The following ZDHHC2 variants were observed in gnomAD, a reference collection of about 807,000 sequenced individuals.
ZDHHC2 encodes zDHHC palmitoyltransferase 2.
Under a neutral mutation model 55.6 loss-of-function variants are expected in ZDHHC2, and 51 were observed. That is an observed-to-expected ratio of 0.92 (90% CI 0.73 to 1.16). ZDHHC2 has a LOEUF of 1.16. ZDHHC2 is among the 50% of genes most tolerant of loss of function. ZDHHC2 has a pLI of 0.00. For synonymous variants in ZDHHC2, 199 were observed against 152.9 expected, an observed-to-expected ratio of 1.30 and a Z score of -2.22; for missense variants, 491 against 442.4, an observed-to-expected ratio of 1.11 and a Z score of -0.99.
chr8:17,222,562 A>C lies in ZDHHC2; in HGVS notation c.*2341A>C, dbSNP rs536919481. ...CAAGATTTAAGAAATTTTGCATTAA[A>C]AATAGTGTACCAATGCTTCATATAC... is the stretch of plus-strand genomic sequence containing the variant. On this transcript the variant is annotated 3_prime_UTR_variant, in exon 13 of 13. Coordinates refer to ENST00000262096, the MANE Select transcript of ZDHHC2 (RefSeq NM_016353.5). 5.3e-5 allele frequency: 8 copies of C among 151,868 alleles called. No homozygotes were observed. Among genetic ancestry groups the C allele is most frequent in the Non-Finnish European group, 1.2e-4 (8 of 67,786 alleles). 9.4% of individuals were successfully genotyped at this position (151,868 alleles called of 1,614,324 possible). A position where few individuals can be genotyped will look rare whatever the true frequency, so the allele number is the denominator to read the frequency against.
intron 3 of ZDHHC2, among the ~76,000 whole-genome samples, chr8:17,191,900 G>C (rs115462424): frequency 6.6e-6 from 1 of 152,140 alleles, no homozygotes; most frequent in African/African-American, 2.4e-5. Flanking sequence ...CATCGTAGTA[G>C]TACTAATTTA....
At position 17,208,058 on chromosome 8, in the gene ZDHHC2, T is replaced by C. The variant is rs780620687; in HGVS notation, c.696T>C (p.His232=). The C allele has an allele frequency of 2.5e-5, 39 of 1,586,776 alleles. 1 individual carries two copies. In the Admixed American group the frequency reaches 6.9e-4, roughly 28 times the overall value. ...GCTTGTCTTCTCTGTTTGGCTATCA[T>C]TGTTGGCTAGTCAGCAAAAATAAAT... ...SVSLSSLFGY[H]CWLVSKNKST... The change falls in exon 8 of 13, where the codon CAT becomes CAC. Residue 232 remains histidine, a synonymous_variant. Coordinates refer to ENST00000262096, the MANE Select transcript of ZDHHC2 (RefSeq NM_016353.5).
At chr8:17,180,740 C>T (rs1343068043) in intron 1 of ZDHHC2, among the ~76,000 whole-genome samples, 1 of 152,216 alleles carries the variant, frequency 6.6e-6, no homozygotes, top group Non-Finnish European at 1.5e-5. Context: ...CAGCAAGTGG[C>T]AGAGGCAGGA....
chr8:17,161,574 A>C (rs1214466178), intron 1 of ZDHHC2, among the ~76,000 whole-genome samples: 1 of 152,194 alleles, frequency 6.6e-6, no homozygotes, highest in African/African-American at 2.4e-5. Flanking sequence ...ATGATTACTT[A>C]TTGGCCAGCA....
chr8:17,170,032 G>A (rs546561428), intron 1 of ZDHHC2, among the ~76,000 whole-genome samples: 1 of 152,352 alleles, frequency 6.6e-6, no homozygotes, highest in Non-Finnish European at 1.5e-5. Flanking sequence ...GGTTGTGACT[G>A]AATACACATA....
chr8:17,189,199 A>G (rs1311533971), intron 3 of ZDHHC2, among the ~76,000 whole-genome samples: 1 of 148,838 alleles, frequency 6.7e-6, no homozygotes, highest in Non-Finnish European at 1.5e-5. Flanking sequence ...CTTTCAAAAG[A>G]CAAGGCAAAT....
intron 6 of ZDHHC2, among the ~76,000 whole-genome samples, chr8:17,199,491 T>TCTTCGTCTTCGTCTTCGTCTTCGTCTTCG (rs1806524908): frequency 2.7e-5 from 1 of 37,302 alleles, no homozygotes; most frequent in Non-Finnish European, 6.8e-5. Context: ...CTTCTTCTTC[T>TCTTCGTCTTCGTCTTCGTCTTCGTCTTCG]TCTTCTTCTT....
intron 1 of ZDHHC2, among the ~76,000 whole-genome samples, chr8:17,179,841 A>C (rs1391329050): frequency 6.6e-6 from 1 of 152,236 alleles, no homozygotes; most frequent in Non-Finnish European, 1.5e-5. Context: ...TGCAGTTCCC[A>C]CAATTAATCA....
At chr8:17,200,801 T>C (rs1268354921) in intron 6 of ZDHHC2, among the ~76,000 whole-genome samples, 1 of 152,186 alleles carries the variant, frequency 6.6e-6, no homozygotes, top group African/African-American at 2.4e-5. Context: ...ATGGCATGCC[T>C]ACACACCACC....
At chr8:17,217,350 T>C in intron 12 of ZDHHC2, 104 bp downstream of exon 12, 1 of 850,110 alleles carries the variant, frequency 1.2e-6, no homozygotes, top group Non-Finnish European at 1.8e-6. Context: ...GAGTGATTCA[T>C]ATAGAAGATC....
At chr8:17,174,962 A>C in intron 1 of ZDHHC2, among the ~76,000 whole-genome samples, 1 of 152,110 alleles carries the variant, frequency 6.6e-6, no homozygotes, top group African/African-American at 2.4e-5. Context: ...CCTGGGCTCA[A>C]GCGATCCAGC....
intron 10 of ZDHHC2, among the ~76,000 whole-genome samples, chr8:17,214,227 A>G (rs1205905645): frequency 6.6e-6 from 1 of 152,204 alleles, no homozygotes; most frequent in African/African-American, 2.4e-5. Context: ...ATGTTGATGT[A>G]TGGCATTTCC....
chr8:17,161,441 G>A (rs552308734), intron 1 of ZDHHC2, among the ~76,000 whole-genome samples: 76 of 152,300 alleles, frequency 5.0e-4, no homozygotes, highest in African/African-American at 1.8e-3. Context: ...AGTAATTGCA[G>A]TTTTTGCCAT....
chr8:17,213,454 A>G (rs771085889), intron 10 of ZDHHC2, among the ~76,000 whole-genome samples: 17 of 151,576 alleles, frequency 1.1e-4, no homozygotes, highest in Non-Finnish European at 2.2e-4. Context: ...GTATCACCAT[A>G]TTGGCCAGGC....
chr8:17,175,292 G>A (rs2150894078), intron 1 of ZDHHC2, among the ~76,000 whole-genome samples: 1 of 152,198 alleles, frequency 6.6e-6, no homozygotes, highest in Non-Finnish European at 1.5e-5. Context: ...TAGGGCAAAA[G>A]TTTAAAAATT....
intron 1 of ZDHHC2, among the ~76,000 whole-genome samples, chr8:17,160,895 G>T (rs550229042): frequency 4.1e-4 from 63 of 152,314 alleles, no homozygotes; most frequent in African/African-American, 1.4e-3. Context: ...CTTGGCCCTT[G>T]GGCAAAAGTT....
chr8:17,203,253 A>T (rs1036784163), intron 6 of ZDHHC2, among the ~76,000 whole-genome samples: 5 of 149,686 alleles, frequency 3.3e-5, no homozygotes, highest in Non-Finnish European at 5.9e-5. Flanking sequence ...TTACTTTATT[A>T]ATTAACTTTT....
intron 8 of ZDHHC2, among the ~76,000 whole-genome samples, chr8:17,208,515 CT>C (rs1807215576): frequency 6.6e-6 from 1 of 151,856 alleles, no homozygotes; most frequent in African/African-American, 2.4e-5. Flanking sequence ...TGTAGAGTTT[CT>C]AGCTCAAGGA....
intron 1 of ZDHHC2, among the ~76,000 whole-genome samples, chr8:17,163,332 G>T (rs979678482): frequency 1.3e-5 from 2 of 152,202 alleles, no homozygotes; most frequent in East Asian, 1.9e-4. Flanking sequence ...GGCTGAGGTG[G>T]TTGCGCCCAC....
Sources: gnomAD v4.1 joint callset for allele counts (sites outside exome capture counted in the v4.1 genomes callset) on GRCh38, gnomAD v4.1.1 for gene constraint, MANE v1.5 for transcripts, NCBI Gene and HGNC (gene_info 2026-07-23, HGNC 2026-07-21) for gene names.